The following PLA2R1 variants were observed in gnomAD, a reference collection of about 807,000 sequenced individuals.
PLA2R1 encodes phospholipase A2 receptor 1.
In PLA2R1, 158 loss-of-function variants were observed where a neutral mutation model predicts 195.9. That is an observed-to-expected ratio of 0.81 (90% confidence interval 0.71 to 0.92). PLA2R1 has a LOEUF of 0.92. Among genes scored for constraint, PLA2R1 ranks in the 40% least tolerant of loss-of-function variants. PLA2R1 has a pLI of 0.00. For synonymous variants in PLA2R1, 586 were observed against 598.2 expected, an observed-to-expected ratio of 0.98 and a Z score of 0.30; for missense variants, 1,626 against 1,764.6, an observed-to-expected ratio of 0.92 and a Z score of 1.41.
chr2:159,961,023 G>A (rs1320782221), intron 20 of PLA2R1, among the ~76,000 whole-genome samples: 1 of 152,142 alleles, frequency 6.6e-6, no homozygotes, highest in Admixed American at 6.6e-5. Flanking sequence ...ACCGCTCTCA[G>A]CTATCAACTC....
intron 13 of PLA2R1, among the ~76,000 whole-genome samples, chr2:159,982,650 A>G (rs1459585892): frequency 6.6e-6 from 1 of 152,194 alleles, no homozygotes; most frequent in Non-Finnish European, 1.5e-5. Flanking sequence ...TCCCAGCTTT[A>G]AGGTCATTGC....
downstream of PLA2R1, among the ~76,000 whole-genome samples, chr2:159,928,353 G>A (rs1282742586): frequency 6.6e-6 from 1 of 152,098 alleles, no homozygotes; most frequent in Non-Finnish European, 1.5e-5. Context: ...AGCTGCCACT[G>A]CCCAAACAAA....
chr2:160,056,596 A>T lies in PLA2R1; in HGVS notation c.109+5699T>A, dbSNP rs138092232. On this transcript the variant is annotated intron_variant, in intron 1 of 29. Coordinates refer to ENST00000283243, the MANE Select transcript of PLA2R1 (RefSeq NM_007366.5). ...TGTTTTCTTTTGTTGTTGTTTTTAA[A>T]TATATATTTTCCTCTTTTTAAACCC... Among the ~76,000 whole-genome samples the T allele has an allele frequency of 1.1e-3, 168 of 152,206 alleles. 3 individuals carry two copies. In the East Asian group the frequency reaches 0.029, roughly 26 times the overall value.
chr2:160,004,894 C>T (rs56204848), intron 11 of PLA2R1, among the ~76,000 whole-genome samples: 4,234 of 152,262 alleles, frequency 0.028, 179 homozygotes, highest in African/African-American at 0.091. Flanking sequence ...GAGCTGTTAA[C>T]GCTGGAATCC....
rs1689044497 is a variant in PLA2R1 at position 159,969,957 on chromosome 2, T to C, written c.2660+191A>G. On this transcript the variant is annotated intron_variant, in intron 18 of 29. Coordinates refer to ENST00000283243, the MANE Select transcript of PLA2R1 (RefSeq NM_007366.5). ...CTTTTGGAGGTGATGGATATGTTTA[T>C]GGCTAGATTGTCGGGATGGTTTCAT... Among the ~76,000 whole-genome samples, 3 of 152,250 alleles carry C rather than the reference T, an allele frequency of 2.0e-5. No homozygotes were observed. The South Asian group carries it at 6.2e-4, about 31-fold the overall frequency.
chr2:160,020,324 C>A, intron 7 of PLA2R1, 61 bp from the exon 8 acceptor site: 1 of 1,072,076 alleles, frequency 9.3e-7, no homozygotes, highest in Non-Finnish European at 1.4e-6. Flanking sequence ...AGATAACACC[C>A]TGGAGTTATT....
intron 6 of PLA2R1, among the ~76,000 whole-genome samples, chr2:160,025,948 A>C (rs758256158): frequency 6.0e-4 from 92 of 152,348 alleles, no homozygotes; most frequent in Non-Finnish European, 1.0e-3. Flanking sequence ...TCTACTGTAC[A>C]GCATGAGGAC....
At position 160,044,630 on chromosome 2, in the gene PLA2R1, G is replaced by A. The variant is rs1694747279; in HGVS notation, c.493+144C>T. ...TCATAACCCTTTTACCATAAGCAAG[G>A]AAGCAACTAAAATGTATTTAGCAGA... On this transcript the variant is annotated intron_variant, in intron 2 of 29. Coordinates refer to ENST00000283243, the MANE Select transcript of PLA2R1 (RefSeq NM_007366.5). 4.5e-6 allele frequency: 3 copies of A among 663,608 alleles called. No homozygotes were observed. The Admixed American group carries it at 8.2e-5, about 18-fold the overall frequency. The allele number at this position is 663,608 out of a possible 1,614,324, so 41.1% of individuals were successfully genotyped here.
intron 8 of PLA2R1, among the ~76,000 whole-genome samples, chr2:160,017,372 G>A (rs1039310157): frequency 2.6e-5 from 4 of 152,164 alleles, no homozygotes; most frequent in African/African-American, 9.7e-5. Context: ...AGAACCACTG[G>A]GATGAAGCCA....
At chr2:160,043,683 G>T (rs962898662) in intron 2 of PLA2R1, among the ~76,000 whole-genome samples, 5 of 152,158 alleles carry the variant, frequency 3.3e-5, no homozygotes, top group African/African-American at 1.2e-4. Flanking sequence ...CATGAGTGTG[G>T]GTATGTGGCT....
chr2:159,976,201 T>A lies in PLA2R1; in HGVS notation c.2462A>T (p.Asp821Val). 1 of 1,609,978 alleles carries A rather than the reference T, an allele frequency of 6.2e-7. No homozygotes were observed. Among genetic ancestry groups the A allele is most frequent in the Non-Finnish European group, 8.5e-7 (1 of 1,177,490 alleles). The change falls in exon 17 of 30, where the codon GAT becomes GTT. Residue 821 changes from aspartate to valine, a missense_variant. By Grantham distance (152) the Asp-to-Val change is radical. Coordinates refer to ENST00000283243, the MANE Select transcript of PLA2R1 (RefSeq NM_007366.5). Reference sequence around the variant, plus strand: ...AAAGGTATGAAAAAGGTATTCTGCATCCTGATAAAAGAGCCAGGGTACATC... The same window carrying A: ...AAAGGTATGAAAAAGGTATTCTGCAACCTGATAAAAGAGCCAGGGTACATC... ...QYDVPWLFYQ[D>V]AEYLFHTFAS... is the part of the protein sequence containing the mutation.
At chr2:160,045,250 CG>C in intron 1 of PLA2R1, 93 bp from the exon 2 acceptor site, 2 of 937,104 alleles carry the variant, frequency 2.1e-6, no homozygotes, top group Non-Finnish European at 3.2e-6. Flanking sequence ...GTGCGATATG[CG>C]ACAGTTGCCA....
At position 159,983,298 on chromosome 2, in the gene PLA2R1, G is replaced by A. The variant is rs140373816; in HGVS notation, c.2183+630C>T. Among the ~76,000 whole-genome samples, 48 of 152,152 alleles carry A rather than the reference G, an allele frequency of 3.2e-4. No individual in the cohort carries two copies. In the East Asian group the frequency reaches 8.1e-3, roughly 26 times the overall value. ...TATGTGGTGGGAGGTAGCACAAGAC[G>A]GTTTAGAGTTCTTACAATTTAAGCT... On this transcript the variant is annotated intron_variant, in intron 13 of 29. Transcript: ENST00000283243.
chr2:160,042,253 GA>G, intron 2 of PLA2R1, 55 bp from the exon 3 acceptor site: 1 of 1,494,336 alleles, frequency 6.7e-7, no homozygotes, highest in Non-Finnish European at 9.3e-7. Flanking sequence ...TTTATCTTTG[GA>G]AACTGCTATA....
chr2:159,925,358 G>A, the PLA2R1 span, among the ~76,000 whole-genome samples: 1 of 152,076 alleles, frequency 6.6e-6, no homozygotes, highest in Non-Finnish European at 1.5e-5. Flanking sequence ...ACTGAAATTA[G>A]CATTTACAGC....
At chr2:159,987,089 G>T in intron 12 of PLA2R1, 67 bp downstream of exon 12, 4 of 1,242,744 alleles carry the variant, frequency 3.2e-6, no homozygotes, top group Non-Finnish European at 4.7e-6. Context: ...AAAGGAATTT[G>T]GGATACATGG....
intron 20 of PLA2R1, among the ~76,000 whole-genome samples, chr2:159,958,690 G>A (rs751676575): frequency 1.3e-5 from 2 of 152,176 alleles, no homozygotes; most frequent in Non-Finnish European, 2.9e-5. Context: ...TTAGCTCAGT[G>A]GTTCTCCAAC....
chr2:159,938,146 A>G lies in PLA2R1; in HGVS notation c.*3632T>C, dbSNP rs896442008. 5 of 152,220 alleles carry G rather than the reference A, an allele frequency of 3.3e-5. No individual in the cohort carries two copies. Among genetic ancestry groups the G allele is most frequent in the Non-Finnish European group, 7.3e-5 (5 of 68,052 alleles). 9.4% of individuals were successfully genotyped at this position (152,220 alleles called of 1,614,324 possible). A position where few individuals can be genotyped will look rare whatever the true frequency, so the allele number is the denominator to read the frequency against. On this transcript the variant is annotated 3_prime_UTR_variant, in exon 30 of 30. Coordinates refer to ENST00000283243, the MANE Select transcript of PLA2R1 (RefSeq NM_007366.5). Reference sequence around the variant, plus strand: ...TTAGGCATGTGTCCCCAGTTTGAGGACTTTTGACTTAGAGGATTTCAACAG... The same window carrying G: ...TTAGGCATGTGTCCCCAGTTTGAGGGCTTTTGACTTAGAGGATTTCAACAG...
At chr2:159,952,902 T>G (rs1687843229) in intron 23 of PLA2R1, among the ~76,000 whole-genome samples, 1 of 152,194 alleles carries the variant, frequency 6.6e-6, no homozygotes, top group Non-Finnish European at 1.5e-5. Flanking sequence ...CAAAGTAAAA[T>G]GAATCTCTTT....
Sources: allele counts gnomAD v4.1 joint callset (sites outside exome capture counted in the v4.1 genomes callset), GRCh38; gene constraint gnomAD v4.1.1; transcripts MANE v1.5; gene names NCBI Gene and HGNC (gene_info 2026-07-23, HGNC 2026-07-21).